The following SEMA5B variants were observed in gnomAD, a reference collection of about 807,000 sequenced individuals.
The protein encoded by SEMA5B is semaphorin-5B.
Under a neutral mutation model 135.0 loss-of-function variants are expected in SEMA5B, and 66 were observed. The observed-to-expected ratio is 0.49, with a 90% CI of 0.40 to 0.60. The LOEUF (loss-of-function observed/expected upper bound fraction) is 0.60. Ranked by LOEUF, SEMA5B falls within the 20% of genes least tolerant of loss-of-function variation. The pLI is 0.00. For missense variants in SEMA5B, 1,501 were observed against 1,566.3 expected (o/e 0.96, Z 0.70); for synonymous variants, 690 against 639.5 (o/e 1.08, Z -1.19).
Position 122,926,640 on chromosome 3 carries a change from A to G in SEMA5B, c.888T>C (p.Phe296=). ...NFVAAYDIGL[F]AYFFLRENAV... ...CGTTCTCCCGCAGGAAGAAGTATGCAAACAGCCCAATATCATAGGCTGCCA... is the reference window on the plus strand; with the variant it reads ...CGTTCTCCCGCAGGAAGAAGTATGCGAACAGCCCAATATCATAGGCTGCCA... Residue 296 remains phenylalanine (F), a synonymous_variant, in exon 9 of 23, where the codon TTT becomes TTC. Transcript: ENST00000357599. The G allele has an allele frequency of 1.2e-6, 2 of 1,614,188 alleles. No homozygotes were observed. Among genetic ancestry groups the G allele is most frequent in the Non-Finnish European group, 8.5e-7 (1 of 1,180,022 alleles).
At chr3:123,022,288 C>A (rs968766251) in intron 1 of SEMA5B, among the ~76,000 whole-genome samples, 1 of 152,194 alleles carries the variant, frequency 6.6e-6, no homozygotes, top group Non-Finnish European at 1.5e-5. Context: ...AAGTACCAAC[C>A]TTTCCCATCA....
chr3:122,938,629 A>C lies in SEMA5B; in HGVS notation c.474+796T>G, dbSNP rs182326055. Among the ~76,000 whole-genome samples, 1,283 of 152,344 alleles carry C rather than the reference A, an allele frequency of 8.4e-3. 9 individuals carry two copies. The highest frequency in any genetic ancestry group is 0.011 in the Non-Finnish European group (739 of 68,014). The stretch of plus-strand genomic sequence containing the variant: ...AGGCCAGAGACTCTGCATTTCTTAT[A>C]GTCTCGTGGCCCCCTAGCCATGAGT... On this transcript the variant is annotated intron_variant, in intron 5 of 22. Transcript: ENST00000357599.
intron 8 of SEMA5B, among the ~76,000 whole-genome samples, 181 bp downstream of exon 8, chr3:122,927,609 G>A (rs533162581): frequency 2.0e-5 from 3 of 152,238 alleles, no homozygotes; most frequent in South Asian, 4.1e-4. Context: ...CTGTGATTTC[G>A]TCTGGGGCCC....
chr3:122,909,547 C>T lies in SEMA5B; in HGVS notation c.*596G>A, dbSNP rs141422016. On this transcript the variant is annotated 3_prime_UTR_variant, in exon 23 of 23. Transcript: ENST00000357599. ...GTTCCCAGTACTCACTGCCTCTGAC[C>T]AGAGGGATGCCCTGGGTAGAGTATA... 5 of 153,182 alleles carry T rather than the reference C, an allele frequency of 3.3e-5. No individual in the cohort carries two copies. The South Asian group carries it at 6.2e-4, about 19-fold the overall frequency. 9.5% of individuals were successfully genotyped at this position (153,182 alleles called of 1,614,324 possible). A position where few individuals can be genotyped will look rare whatever the true frequency, so the allele number is the denominator to read the frequency against.
At chr3:122,983,339 T>G (rs1941587329) in intron 1 of SEMA5B, among the ~76,000 whole-genome samples, 1 of 152,138 alleles carries the variant, frequency 6.6e-6, no homozygotes, top group Admixed American at 6.5e-5. Flanking sequence ...TCCTGAACAA[T>G]CTTTTTGCAG....
intron 1 of SEMA5B, among the ~76,000 whole-genome samples, chr3:122,991,247 A>G (rs1007207208): frequency 5.9e-5 from 9 of 152,194 alleles, no homozygotes; most frequent in Admixed American, 5.2e-4. Context: ...AAGATCACAC[A>G]CAGAGCACAA....
intron 1 of SEMA5B, among the ~76,000 whole-genome samples, chr3:122,965,303 T>C (rs1940771557): frequency 6.6e-6 from 1 of 152,226 alleles, no homozygotes; most frequent in Non-Finnish European, 1.5e-5. Flanking sequence ...AGAGTGGCAA[T>C]GTTCCCAGCC....
chr3:122,957,343 T>C (rs1361271967), intron 2 of SEMA5B, among the ~76,000 whole-genome samples: 1 of 152,174 alleles, frequency 6.6e-6, no homozygotes, highest in Non-Finnish European at 1.5e-5. Context: ...TTTGCAGCCT[T>C]GTGGAGAATT....
chr3:123,007,083 C>G (rs1942333509), intron 1 of SEMA5B, among the ~76,000 whole-genome samples: 1 of 152,282 alleles, frequency 6.6e-6, no homozygotes, highest in South Asian at 2.1e-4. Flanking sequence ...GTTACCCTTG[C>G]CCTCTGAGCA....
At chr3:123,014,710 C>T (rs534489707) in intron 1 of SEMA5B, among the ~76,000 whole-genome samples, 13 of 152,048 alleles carry the variant, frequency 8.5e-5, no homozygotes, top group African/African-American at 2.2e-4. Context: ...AGGCAGGATC[C>T]GAAATATCTT....
intron 22 of SEMA5B, among the ~76,000 whole-genome samples, 168 bp downstream of exon 22, chr3:122,910,672 T>C (rs920903769): frequency 6.6e-6 from 1 of 150,990 alleles, no homozygotes; most frequent in African/African-American, 2.4e-5. Flanking sequence ...TAGCCGGGCG[T>C]AGTGGCGGGC....
chr3:122,935,208 C>A (rs1041620676), intron 5 of SEMA5B, among the ~76,000 whole-genome samples: 1 of 152,120 alleles, frequency 6.6e-6, no homozygotes, highest in Non-Finnish European at 1.5e-5. Flanking sequence ...GGGTGAGGAG[C>A]CTTTTTCACT....
intron 1 of SEMA5B, among the ~76,000 whole-genome samples, chr3:123,020,148 C>T (rs1169524960): frequency 1.3e-5 from 2 of 152,148 alleles, no homozygotes; most frequent in Admixed American, 6.5e-5. Flanking sequence ...TTCACTGCAG[C>T]ATTATTTATA....
intron 2 of SEMA5B, among the ~76,000 whole-genome samples, chr3:122,954,266 G>A (rs1031971820): frequency 6.6e-6 from 1 of 152,200 alleles, no homozygotes; most frequent in Non-Finnish European, 1.5e-5. Context: ...ACAATCTGAA[G>A]ACAAAGACCA....
intron 1 of SEMA5B, among the ~76,000 whole-genome samples, chr3:123,014,273 A>G (rs1942502055): frequency 6.6e-6 from 1 of 152,164 alleles, no homozygotes; most frequent in African/African-American, 2.4e-5. Context: ...ACTCTAAACG[A>G]AGGCTAGTGG....
chr3:122,983,501 C>A (rs1941595211), intron 1 of SEMA5B, among the ~76,000 whole-genome samples: 1 of 151,644 alleles, frequency 6.6e-6, no homozygotes, highest in African/African-American at 2.4e-5. Context: ...CACGAGAAAG[C>A]CAAGCTACTT....
intron 15 of SEMA5B, 82 bp downstream of exon 15, chr3:122,913,776 C>G: frequency 6.4e-7 from 1 of 1,569,818 alleles, no homozygotes; most frequent in South Asian, 1.2e-5. Flanking sequence ...ACGAGAGTCC[C>G]CGGGATCACG....
chr3:122,923,400 C>T (rs919694364), intron 10 of SEMA5B, among the ~76,000 whole-genome samples: 12 of 152,318 alleles, frequency 7.9e-5, no homozygotes, highest in African/African-American at 2.4e-4. Flanking sequence ...AGAGATGGCT[C>T]GGAGCATGCT....
At position 122,910,921 on chromosome 3, in the gene SEMA5B, G is replaced by C; in HGVS notation, c.3216C>G (p.Val1072=). The change falls in exon 22 of 23, where the codon GTC becomes GTG. Residue 1072 remains valine, a synonymous_variant. Coordinates refer to ENST00000357599, the MANE Select transcript of SEMA5B (RefSeq NM_001031702.4). ...CQRQSQESTL[V]HPATPNHLHY... is the part of the protein sequence containing the mutation. The stretch of plus-strand genomic sequence containing the variant: ...GCAAATGGTTGGGGGTGGCAGGATG[G>C]ACCAGTGTGGACTCCTGGGACTGAC... 6.2e-7 allele frequency: 1 copy of C among 1,613,818 alleles called. No individual in the cohort carries two copies. Among genetic ancestry groups the C allele is most frequent in the African/African-American group, 1.3e-5 (1 of 75,042 alleles).
Sources: allele counts gnomAD v4.1 joint callset (sites outside exome capture counted in the v4.1 genomes callset), GRCh38; gene constraint gnomAD v4.1.1; transcripts MANE v1.5; gene names NCBI Gene and HGNC (gene_info 2026-07-23, HGNC 2026-07-21).